FBRSL1: variants seen among roughly 807,000 people sequenced by gnomAD.
The protein encoded by FBRSL1 is fibrosin-1-like protein.
FBRSL1 carries 51 observed loss-of-function variants against 89.6 expected under a neutral mutation model. The observed-to-expected ratio is 0.57, with a 90% CI of 0.45 to 0.72. The LOEUF (loss-of-function observed/expected upper bound fraction) is 0.72. FBRSL1 is among the 30% of genes least tolerant of loss of function. The pLI, the probability that FBRSL1 is intolerant of heterozygous loss-of-function variation, is 0.00. For synonymous variants in FBRSL1, 779 were observed against 681.1 expected, an observed-to-expected ratio of 1.14 and a Z score of -2.24; for missense variants, 1,618 against 1,451.8, an observed-to-expected ratio of 1.11 and a Z score of -1.86.
intron 15 of FBRSL1, among the ~76,000 whole-genome samples, chr12:132,579,650 TC>T (rs1325648651): frequency 6.6e-6 from 1 of 152,256 alleles, no homozygotes; most frequent in African/African-American, 2.4e-5. Context: ...GAGCCACTGT[TC>T]CAGCGCTTTG....
At chr12:132,578,368 A>ACACAC (rs1566244750) in intron 15 of FBRSL1, among the ~76,000 whole-genome samples, 3 of 26,550 alleles carry the variant, frequency 1.1e-4, no homozygotes, top group African/African-American at 3.1e-4. Flanking sequence ...CACACACACA[A>ACACAC]AATCATAGAG....
intron 2 of FBRSL1, among the ~76,000 whole-genome samples, chr12:132,513,213 C>T (rs939471075): frequency 6.6e-6 from 1 of 152,200 alleles, no homozygotes; most frequent in Non-Finnish European, 1.5e-5. Context: ...TGTGGGCCTG[C>T]GAGGCCTCCG....
intron 11 of FBRSL1, among the ~76,000 whole-genome samples, chr12:132,572,880 CTG>C (rs1472186391): frequency 6.6e-6 from 1 of 152,216 alleles, no homozygotes; most frequent in Non-Finnish European, 1.5e-5. Context: ...GGAGAGCACA[CTG>C]TGGAAGCCTC....
chr12:132,526,477 C>T lies in FBRSL1; in HGVS notation c.579+654C>T, dbSNP rs985141877. On this transcript the variant is annotated intron_variant, in intron 3 of 18. Transcript: ENST00000680143. ...GGGCTGAGGCTCAAACTCAGGGCAACGAAGGCCCTCCCACCCCTCTGGCAG... is the reference window on the plus strand; with the variant it reads ...GGGCTGAGGCTCAAACTCAGGGCAATGAAGGCCCTCCCACCCCTCTGGCAG... Among the ~76,000 whole-genome samples the T allele has an allele frequency of 1.1e-4, 17 of 152,318 alleles. 2 individuals carry two copies. The highest frequency in any genetic ancestry group is 3.8e-4 in the African/African-American group (16 of 41,566).
intron 4 of FBRSL1, among the ~76,000 whole-genome samples, chr12:132,547,728 C>G (rs962332529): frequency 2.5e-4 from 38 of 152,204 alleles, no homozygotes; most frequent in Admixed American, 6.5e-5. Flanking sequence ...GGCTGCAGGG[C>G]CAGTCTTGTC....
At chr12:132,511,035 G>T in intron 2 of FBRSL1, 1 of 986,304 alleles carries the variant, frequency 1.0e-6, no homozygotes, top group African/African-American at 1.7e-5. Context: ...CTGCAGAGTG[G>T]CCCAGTGGCG....
chr12:132,581,241 C>T (rs1226221749), intron 15 of FBRSL1, 198 bp from the exon 16 acceptor site: 4 of 980,918 alleles, frequency 4.1e-6, no homozygotes, highest in Non-Finnish European at 4.8e-6. Context: ...ACTGCGGCTC[C>T]AAGTCAAACC....
At chr12:132,512,095 T>C in intron 2 of FBRSL1, 1 of 832,714 alleles carries the variant, frequency 1.2e-6, no homozygotes, top group South Asian at 5.5e-5. Context: ...TTCCTGACCT[T>C]CCTGCCCACC....
At position 132,576,783 on chromosome 12, in the gene FBRSL1, C is replaced by G. The variant is rs762915576; in HGVS notation, c.1702-16C>G. The G allele has an allele frequency of 1.3e-6, 2 of 1,548,566 alleles. No homozygotes were observed. Among genetic ancestry groups the G allele is most frequent in the African/African-American group, 2.7e-5 (2 of 73,006 alleles). On this transcript the variant is annotated splice_polypyrimidine_tract_variant and intron_variant, in intron 14 of 18. Coordinates refer to ENST00000680143, the MANE Select transcript of FBRSL1 (RefSeq NM_001367871.1). ...AGTCCCCGGGCAGGCGGCCCTCACC[C>G]GTTCTATCCTCCCAGGAGATGCAGC... is the stretch of plus-strand genomic sequence containing the variant.
intron 2 of FBRSL1, among the ~76,000 whole-genome samples, chr12:132,514,183 C>T (rs1274792699): frequency 2.0e-5 from 3 of 152,022 alleles, no homozygotes; most frequent in East Asian, 3.9e-4. Flanking sequence ...GCATGCTGGG[C>T]GACTGTGGTG....
intron 1 of FBRSL1, among the ~76,000 whole-genome samples, chr12:132,506,533 G>A (rs549695833): frequency 8.2e-4 from 125 of 152,358 alleles, no homozygotes; most frequent in African/African-American, 2.9e-3. Context: ...GGCTGCCCTT[G>A]CAGGTTTCCT....
intron 1 of FBRSL1, among the ~76,000 whole-genome samples, chr12:132,500,073 C>A (rs1047436897): frequency 4.6e-5 from 7 of 152,146 alleles, no homozygotes; most frequent in Non-Finnish European, 7.4e-5. Flanking sequence ...ACCCTCTGGC[C>A]GGAATCCGTG....
At chr12:132,515,149 G>C (rs561780030) in intron 2 of FBRSL1, among the ~76,000 whole-genome samples, 49 of 152,196 alleles carry the variant, frequency 3.2e-4, no homozygotes, top group African/African-American at 1.2e-3. Context: ...TCTATGGTTT[G>C]AGGCCAGACC....
intron 5 of FBRSL1, among the ~76,000 whole-genome samples, chr12:132,559,437 G>A (rs942940849): frequency 8.5e-5 from 13 of 152,154 alleles, no homozygotes; most frequent in African/African-American, 3.1e-4. Context: ...TGTCACCTAC[G>A]CTGAAGTGCA....
At chr12:132,534,220 C>T (rs1344626701) in intron 4 of FBRSL1, among the ~76,000 whole-genome samples, 1 of 152,204 alleles carries the variant, frequency 6.6e-6, no homozygotes, top group Non-Finnish European at 1.5e-5. Flanking sequence ...TGCCGTCCGC[C>T]TCCACTCCAG....
intron 2 of FBRSL1, among the ~76,000 whole-genome samples, chr12:132,525,009 G>T (rs1452426388): frequency 2.0e-5 from 3 of 152,062 alleles, no homozygotes; most frequent in African/African-American, 7.2e-5. Flanking sequence ...CCCGGGCCAG[G>T]CCCTGGCACG....
intron 4 of FBRSL1, among the ~76,000 whole-genome samples, chr12:132,530,490 C>T (rs759108928): frequency 1.3e-5 from 2 of 151,844 alleles, no homozygotes; most frequent in African/African-American, 2.4e-5. Flanking sequence ...GAGGTGTGCA[C>T]GTGGCCACCT....
At chr12:132,547,150 G>A (rs575884457) in intron 4 of FBRSL1, among the ~76,000 whole-genome samples, 24 of 152,106 alleles carry the variant, frequency 1.6e-4, no homozygotes, top group Non-Finnish European at 2.6e-4. Context: ...TACTGAAAAC[G>A]GAGAACGGAC....
intron 2 of FBRSL1, among the ~76,000 whole-genome samples, chr12:132,525,284 C>G (rs954396310): frequency 6.6e-6 from 1 of 152,206 alleles, no homozygotes; most frequent in Non-Finnish European, 1.5e-5. Flanking sequence ...ACCTGGAGGT[C>G]ATAGCCCTGT....
Sources: allele counts gnomAD v4.1 joint callset (sites outside exome capture counted in the v4.1 genomes callset), GRCh38; gene constraint gnomAD v4.1.1; transcripts MANE v1.5; gene names NCBI Gene and HGNC (gene_info 2026-07-23, HGNC 2026-07-21).